Variants in MARCHF1 observed in about 807,000 individuals in gnomAD.
MARCHF1 encodes membrane associated ring-CH-type finger 1, also known as E3 ubiquitin-protein ligase MARCHF1.
MARCHF1 carries 40 observed loss-of-function variants against 54.2 expected under a neutral mutation model. The ratio of observed to expected loss-of-function variants is 0.74; its 90% CI spans 0.57 to 0.96. The LOEUF (loss-of-function observed/expected upper bound fraction) is 0.96, where lower values mean the gene tolerates loss of function less well. Ranked by LOEUF, MARCHF1 falls within the 40% of genes least tolerant of loss-of-function variation. The pLI, the probability that MARCHF1 is intolerant of heterozygous loss-of-function variation, is 0.00. For synonymous variants in MARCHF1, 236 were observed against 236.3 expected, an observed-to-expected ratio of 1.00 and a Z score of 0.01; for missense variants, 586 against 656.5, an observed-to-expected ratio of 0.89 and a Z score of 1.17.
intron 3 of MARCHF1, among the ~76,000 whole-genome samples, chr4:163,956,351 A>G (rs1190922329): frequency 2.0e-5 from 3 of 152,130 alleles, no homozygotes; most frequent in African/African-American, 7.2e-5. Flanking sequence ...TGCTACATGA[A>G]TAATAGGACA....
At chr4:163,879,591 G>C (rs370145226) in intron 3 of MARCHF1, among the ~76,000 whole-genome samples, 1 of 152,132 alleles carries the variant, frequency 6.6e-6, no homozygotes, top group Non-Finnish European at 1.5e-5. Flanking sequence ...ATGTGTGCAC[G>C]TGCTTGTGTG....
intron 1 of MARCHF1, among the ~76,000 whole-genome samples, chr4:164,271,387 T>A (rs935272473): frequency 4.6e-5 from 7 of 152,136 alleles, no homozygotes; most frequent in Admixed American, 1.3e-4. Context: ...AAATGTGACA[T>A]TGCCAGCTTT....
chr4:163,825,136 C>T (rs1673963365), intron 4 of MARCHF1, among the ~76,000 whole-genome samples: 2 of 151,998 alleles, frequency 1.3e-5, no homozygotes, highest in Non-Finnish European at 2.9e-5. Context: ...TCCTCAGGGT[C>T]TGTTGCTCCT....
chr4:163,679,705 C>T (rs563628366), intron 5 of MARCHF1, among the ~76,000 whole-genome samples: 113 of 152,032 alleles, frequency 7.4e-4, no homozygotes, highest in Admixed American at 1.2e-3. Flanking sequence ...CTCCGCCTCC[C>T]GGGTTCACGC....
chr4:163,573,293 C>CTATTATTATTAT (rs1481195215), intron 8 of MARCHF1, among the ~76,000 whole-genome samples: 4 of 104,506 alleles, frequency 3.8e-5, no homozygotes, highest in Non-Finnish European at 7.4e-5. Flanking sequence ...GATGCTTTTT[C>CTATTATTATTAT]TCTTATTATT....
intron 8 of MARCHF1, among the ~76,000 whole-genome samples, chr4:163,572,176 C>T (rs531481652): frequency 1.6e-4 from 24 of 152,166 alleles, no homozygotes; most frequent in African/African-American, 5.3e-4. Context: ...GTTTCTTTAT[C>T]GCTTAGGTCT....
intron 8 of MARCHF1, among the ~76,000 whole-genome samples, chr4:163,550,383 G>A (rs746074251): frequency 1.3e-5 from 2 of 151,836 alleles, no homozygotes; most frequent in Non-Finnish European, 1.5e-5. Context: ...TTTCTTGACA[G>A]TTCACCTATG....
intron 2 of MARCHF1, among the ~76,000 whole-genome samples, chr4:164,083,676 T>C (rs999783030): frequency 6.6e-6 from 1 of 152,136 alleles, no homozygotes; most frequent in Non-Finnish European, 1.5e-5. Flanking sequence ...GGTTAGATCT[T>C]TGAAGACACA....
chr4:163,704,119 G>GA (rs59999112), intron 4 of MARCHF1, among the ~76,000 whole-genome samples: 18,706 of 146,144 alleles, frequency 0.13, 2,236 homozygotes, highest in African/African-American at 0.32. Context: ...AATGTAATAT[G>GA]AAAAAAAAAT....
intron 1 of MARCHF1, among the ~76,000 whole-genome samples, chr4:164,267,839 G>C (rs1271224757): frequency 6.6e-6 from 1 of 152,142 alleles, no homozygotes; most frequent in Non-Finnish European, 1.5e-5. Context: ...TGAGTGGACA[G>C]AGAAAATGTT....
At chr4:164,253,259 A>T (rs1013085886) in intron 1 of MARCHF1, among the ~76,000 whole-genome samples, 6 of 152,162 alleles carry the variant, frequency 3.9e-5, no homozygotes, top group African/African-American at 1.4e-4. Flanking sequence ...GAAATCTTGA[A>T]ATAGTTCAAC....
intron 3 of MARCHF1, among the ~76,000 whole-genome samples, chr4:163,905,870 T>G (rs1751054832): frequency 6.6e-6 from 1 of 152,030 alleles, no homozygotes; most frequent in Admixed American, 6.6e-5. Context: ...TGTATTCCAG[T>G]CATACAGTCA....
chr4:164,144,178 T>A (rs1729599438), intron 1 of MARCHF1, among the ~76,000 whole-genome samples: 1 of 150,442 alleles, frequency 6.6e-6, no homozygotes. Context: ...AAGCAAGTCC[T>A]GACTGACCTA....
At position 163,529,163 on chromosome 4, in the gene MARCHF1, C is replaced by A. The variant is rs536399732; in HGVS notation, c.1340-117G>T. The A allele has an allele frequency of 2.6e-5, 18 of 692,934 alleles. No homozygotes were observed. In the East Asian group the frequency reaches 5.0e-4, roughly 19 times the overall value. 42.9% of individuals were successfully genotyped at this position (692,934 alleles called of 1,614,324 possible). The stretch of plus-strand genomic sequence containing the variant: ...TTGCCTTCTAGATTATGTATGTTAA[C>A]AGAAATAATATATTCTTCATAACTA... On this transcript the variant is annotated intron_variant, in intron 9 of 9. Transcript: ENST00000514618.
chr4:163,697,172 C>A (rs762463999), intron 5 of MARCHF1, among the ~76,000 whole-genome samples: 2 of 152,054 alleles, frequency 1.3e-5, no homozygotes, highest in African/African-American at 4.8e-5. Context: ...CTCGTAAGAG[C>A]CTCAGTGCTC....
intron 3 of MARCHF1, among the ~76,000 whole-genome samples, chr4:163,971,934 A>C (rs1462688728): frequency 6.6e-6 from 1 of 152,216 alleles, no homozygotes; most frequent in Non-Finnish European, 1.5e-5. Flanking sequence ...AATAGCAAAG[A>C]CTTGGAACCA....
chr4:164,245,440 G>T (rs955198531), intron 1 of MARCHF1, among the ~76,000 whole-genome samples: 3 of 152,102 alleles, frequency 2.0e-5, no homozygotes, highest in Non-Finnish European at 4.4e-5. Context: ...GGTATTGATG[G>T]GACATATCTC....
intron 5 of MARCHF1, among the ~76,000 whole-genome samples, chr4:163,622,749 G>C (rs983677873): frequency 6.6e-6 from 1 of 152,204 alleles, no homozygotes; most frequent in African/African-American, 2.4e-5. Context: ...GTTGCCTAAT[G>C]CTCCTTTTGG....
chr4:164,338,853 T>C (rs968602611), intron 1 of MARCHF1, among the ~76,000 whole-genome samples: 3 of 152,046 alleles, frequency 2.0e-5, no homozygotes, highest in Non-Finnish European at 4.4e-5. Flanking sequence ...GTGCCTGTAA[T>C]CCCAGCTACT....
Sources: gnomAD v4.1 joint callset for allele counts (sites outside exome capture counted in the v4.1 genomes callset) on GRCh38, gnomAD v4.1.1 for gene constraint, MANE v1.5 for transcripts, NCBI Gene and HGNC (gene_info 2026-07-23, HGNC 2026-07-21) for gene names.